GNAQ: variants seen among roughly 807,000 people sequenced by gnomAD.
The protein encoded by GNAQ is G protein subunit alpha q.
A neutral mutation model predicts 43.9 loss-of-function variants in GNAQ; 8 were observed. The observed-to-expected ratio is 0.18, with a 90% confidence interval of 0.11 to 0.33. GNAQ has a LOEUF of 0.33. GNAQ is among the 10% of genes least tolerant of loss of function. The probability of loss-of-function intolerance (pLI) is 1.00; values close to 1 mark genes in which losing one functional copy is unlikely to be tolerated. For synonymous variants in GNAQ, 155 were observed against 170.7 expected (o/e 0.91, Z 0.71); for missense variants, 158 against 450.8 (o/e 0.35, Z 5.88).
chr9:77,796,854 C>T (rs1346606415), intron 4 of GNAQ, among the ~76,000 whole-genome samples: 1 of 152,160 alleles, frequency 6.6e-6, no homozygotes, highest in Non-Finnish European at 1.5e-5. Flanking sequence ...TCATTCATAG[C>T]TTACATAATT....
At chr9:77,904,195 G>A (rs915304803) in intron 2 of GNAQ, among the ~76,000 whole-genome samples, 6 of 151,666 alleles carry the variant, frequency 4.0e-5, no homozygotes, top group Non-Finnish European at 8.8e-5. Flanking sequence ...TTGCTCTCTT[G>A]TACCACATTT....
chr9:77,822,911 G>A (rs1431670529), intron 2 of GNAQ, among the ~76,000 whole-genome samples: 1 of 151,880 alleles, frequency 6.6e-6, no homozygotes, highest in African/African-American at 2.4e-5. Context: ...TATGAAAAAC[G>A]GTAATGAAGC....
intron 5 of GNAQ, among the ~76,000 whole-genome samples, chr9:77,746,828 T>C (rs75428619): frequency 0.07 from 10,637 of 152,184 alleles, 805 homozygotes; most frequent in East Asian, 0.27. Context: ...GCACACCATT[T>C]TGAGACACGA....
chr9:77,886,649 G>A (rs1348345922), intron 2 of GNAQ, among the ~76,000 whole-genome samples: 2 of 152,118 alleles, frequency 1.3e-5, no homozygotes, highest in African/African-American at 2.4e-5. Flanking sequence ...AGTAAATGAT[G>A]TAAAATAAAC....
intron 1 of GNAQ, among the ~76,000 whole-genome samples, chr9:77,926,960 C>A (rs1484612503): frequency 6.6e-6 from 1 of 152,182 alleles, no homozygotes; most frequent in Non-Finnish European, 1.5e-5. Context: ...AGAGCAATCT[C>A]CAGTTCATTC....
Position 77,780,628 on chromosome 9 carries a change from ATAG to A in GNAQ, c.735+13832_735+13834del, listed in dbSNP as rs1396834922. The stretch of plus-strand genomic sequence containing the variant: ...TCTCTTTGCTTTGGATAAAGGCCCT[ATAG>A]TGAGACTACTGGACTATATTGTGGT... On this transcript the variant is annotated intron_variant, in intron 5 of 6. Coordinates refer to ENST00000286548, the MANE Select transcript of GNAQ (RefSeq NM_002072.5). Among the ~76,000 whole-genome samples the A allele has an allele frequency of 2.0e-5, 3 of 152,084 alleles. No homozygotes were observed. The East Asian group carries it at 5.8e-4, about 29-fold the overall frequency.
chr9:77,994,462 A>G (rs1823544788), intron 1 of GNAQ, among the ~76,000 whole-genome samples: 1 of 152,110 alleles, frequency 6.6e-6, no homozygotes, highest in Non-Finnish European at 1.5e-5. Flanking sequence ...TTCCTTCAGA[A>G]CTTTGTGGAA....
rs370053395 is a variant in GNAQ at position 77,806,279 on chromosome 9, T to C, written c.477-8631A>G. On this transcript the variant is annotated intron_variant, in intron 3 of 6. Transcript: ENST00000286548. ...CACAATTCTAAAACATATCAAGAAA[T>C]AGCTGAAGATTACTTTTTAATTCTG... Among the ~76,000 whole-genome samples, 4 of 152,352 alleles carry C rather than the reference T, an allele frequency of 2.6e-5. No homozygotes were observed. In the East Asian group the frequency reaches 7.7e-4, roughly 29 times the overall value.
chr9:77,790,958 CCTTTT>C (rs1414674119), intron 5 of GNAQ, among the ~76,000 whole-genome samples: 3 of 152,186 alleles, frequency 2.0e-5, no homozygotes, highest in African/African-American at 7.2e-5. Context: ...TCTATGCTTT[CCTTTT>C]ATCAATTGAG....
chr9:77,725,656 C>T (rs1387975409), intron 6 of GNAQ, among the ~76,000 whole-genome samples: 1 of 144,322 alleles, frequency 6.9e-6, no homozygotes, highest in Non-Finnish European at 1.5e-5. Flanking sequence ...AAGGAAAATG[C>T]TTGTAGTGGT....
chr9:78,017,205 A>G (rs1202749896), intron 1 of GNAQ, among the ~76,000 whole-genome samples: 2 of 152,200 alleles, frequency 1.3e-5, no homozygotes, highest in Non-Finnish European at 2.9e-5. Context: ...TGTATCTGCC[A>G]ATTTCTGTGG....
intron 2 of GNAQ, among the ~76,000 whole-genome samples, chr9:77,893,609 T>C (rs1188655477): frequency 2.0e-5 from 3 of 152,204 alleles, no homozygotes; most frequent in South Asian, 2.1e-4. Flanking sequence ...TTCACTTTAC[T>C]CTATGGACTC....
At chr9:77,854,221 T>C (rs892380704) in intron 2 of GNAQ, among the ~76,000 whole-genome samples, 1 of 152,136 alleles carries the variant, frequency 6.6e-6, no homozygotes, top group Admixed American at 6.6e-5. Flanking sequence ...CAGAGATGAA[T>C]GTGTTTAAAA....
At chr9:77,722,076 A>C (rs1025215278) in intron 6 of GNAQ, among the ~76,000 whole-genome samples, 22 of 152,074 alleles carry the variant, frequency 1.4e-4, no homozygotes, top group Admixed American at 7.9e-4. Flanking sequence ...ATTTCTGAGC[A>C]CACTACATTT....
intron 5 of GNAQ, among the ~76,000 whole-genome samples, chr9:77,748,586 T>C (rs558519069): frequency 2.6e-5 from 4 of 152,358 alleles, no homozygotes; most frequent in East Asian, 3.9e-4. Flanking sequence ...CCTAGCTTAG[T>C]AGCCTAAGTG....
chr9:78,009,114 T>C (rs1823743312), intron 1 of GNAQ, among the ~76,000 whole-genome samples: 3 of 152,208 alleles, frequency 2.0e-5, no homozygotes, highest in African/African-American at 4.8e-5. Flanking sequence ...CAAATGAAGT[T>C]TGCTTTTCCT....
At chr9:77,951,246 C>G (rs765735580) in intron 1 of GNAQ, among the ~76,000 whole-genome samples, 6 of 151,846 alleles carry the variant, frequency 4.0e-5, no homozygotes, top group African/African-American at 1.5e-4. Flanking sequence ...TACAGGCTCA[C>G]GCCACCATGC....
intron 1 of GNAQ, among the ~76,000 whole-genome samples, chr9:77,973,917 G>T (rs1300850979): frequency 6.6e-6 from 1 of 151,918 alleles, no homozygotes; most frequent in Non-Finnish European, 1.5e-5. Flanking sequence ...GTCCTTACTG[G>T]GTTATTATAT....
intron 1 of GNAQ, among the ~76,000 whole-genome samples, chr9:77,938,974 T>TGCC (rs1184013596): frequency 6.6e-6 from 1 of 152,186 alleles, no homozygotes; most frequent in Admixed American, 6.5e-5. Context: ...CAGGGCCCCC[T>TGCC]GCCCCTCTGC....
Sources: allele counts gnomAD v4.1 joint callset (sites outside exome capture counted in the v4.1 genomes callset), GRCh38; gene constraint gnomAD v4.1.1; transcripts MANE v1.5; gene names NCBI Gene and HGNC (gene_info 2026-07-23, HGNC 2026-07-21).